RAD51B: variants seen among roughly 807,000 people sequenced by gnomAD.
The protein encoded by RAD51B is RAD51 paralog B.
RAD51B carries 38 observed loss-of-function variants against 42.2 expected under a neutral mutation model. The ratio of observed to expected loss-of-function variants is 0.90; its 90% CI spans 0.70 to 1.18. RAD51B has a LOEUF of 1.18. RAD51B is among the 50% of genes most tolerant of loss of function. The pLI is 0.00. For missense variants in RAD51B, 373 were observed against 400.7 expected (o/e 0.93, Z 0.59); for synonymous variants, 154 against 145.2 (o/e 1.06, Z -0.43).
intron 10 of RAD51B, among the ~76,000 whole-genome samples, chr14:68,637,955 A>G (rs12893578): frequency 0.4 from 61,209 of 152,170 alleles, 13,180 homozygotes; most frequent in East Asian, 0.77. Context: ...GCTTCTTACC[A>G]TAGCTGGGAA....
At chr14:68,632,572 G>A (rs192150829) in intron 10 of RAD51B, among the ~76,000 whole-genome samples, 12 of 152,304 alleles carry the variant, frequency 7.9e-5, no homozygotes, top group African/African-American at 2.2e-4. Flanking sequence ...GGTTGGCCCC[G>A]CCAGGCCAGC....
intron 7 of RAD51B, among the ~76,000 whole-genome samples, chr14:67,910,580 C>T (rs1200967653): frequency 6.6e-6 from 1 of 151,766 alleles, no homozygotes; most frequent in Non-Finnish European, 1.5e-5. Flanking sequence ...AAGTCAGTGT[C>T]GATGCCTTTT....
At chr14:68,332,801 T>C (rs545689904) in intron 8 of RAD51B, among the ~76,000 whole-genome samples, 5 of 152,384 alleles carry the variant, frequency 3.3e-5, no homozygotes, top group Admixed American at 6.5e-5. Context: ...ATTTGTTCTT[T>C]TCTTTAATAT....
chr14:67,946,790 ACTT>A (rs2045409864), intron 7 of RAD51B, among the ~76,000 whole-genome samples: 1 of 152,232 alleles, frequency 6.6e-6, no homozygotes, highest in Non-Finnish European at 1.5e-5. Flanking sequence ...TGGATATACT[ACTT>A]CTGTCTTCCC....
At chr14:68,571,720 C>T (rs891106650) in intron 10 of RAD51B, among the ~76,000 whole-genome samples, 7 of 152,132 alleles carry the variant, frequency 4.6e-5, no homozygotes, top group Non-Finnish European at 7.4e-5. Flanking sequence ...TTTGAGGGGC[C>T]GTTATTCTCC....
At chr14:67,863,856 G>C (rs953483431) in intron 4 of RAD51B, among the ~76,000 whole-genome samples, 2 of 152,154 alleles carry the variant, frequency 1.3e-5, no homozygotes, top group African/African-American at 2.4e-5. Flanking sequence ...AATTTATGAA[G>C]AAGAGAGGTG....
chr14:68,126,599 C>T (rs74848255), intron 7 of RAD51B, among the ~76,000 whole-genome samples: 2 of 152,310 alleles, frequency 1.3e-5, no homozygotes, highest in South Asian at 4.2e-4. Flanking sequence ...ACTTACTTGA[C>T]AGCAGAGGTG....
intron 10 of RAD51B, among the ~76,000 whole-genome samples, chr14:68,645,996 T>C (rs1178841923): frequency 2.0e-5 from 3 of 152,152 alleles, no homozygotes; most frequent in Non-Finnish European, 4.4e-5. Context: ...ACTCAAAATA[T>C]TCCCCGGGAC....
At chr14:68,549,227 C>T (rs756674079) in intron 10 of RAD51B, among the ~76,000 whole-genome samples, 1 of 151,608 alleles carries the variant, frequency 6.6e-6, no homozygotes, top group Non-Finnish European at 1.5e-5. Flanking sequence ...TTTTGAGCCA[C>T]AGTCTATAGT....
intron 10 of RAD51B, among the ~76,000 whole-genome samples, chr14:68,538,586 G>A (rs1341789107): frequency 6.6e-6 from 1 of 151,542 alleles, no homozygotes; most frequent in African/African-American, 2.4e-5. Context: ...TGTTAGGGGT[G>A]GGCTTGCAGA....
Position 67,904,637 on chromosome 14 carries a change from C to T in RAD51B, c.756+17433C>T, listed in dbSNP as rs531634728. ...GTGATTCTCCTGCCTCAGGCTCCCA[C>T]GTAGCTGCTAAGCATGCCACCACAC... On this transcript the variant is annotated intron_variant, in intron 7 of 10. Coordinates refer to ENST00000471583, the MANE Select transcript of RAD51B (RefSeq NM_133510.4). Among the ~76,000 whole-genome samples, 68 of 151,240 alleles carry T rather than the reference C, an allele frequency of 4.5e-4. 1 individual carries two copies. Among genetic ancestry groups the T allele is most frequent in the African/African-American group, 1.5e-3 (60 of 41,210 alleles).
intron 7 of RAD51B, among the ~76,000 whole-genome samples, chr14:68,249,741 G>A (rs1323122372): frequency 6.6e-6 from 1 of 152,216 alleles, no homozygotes; most frequent in Non-Finnish European, 1.5e-5. Context: ...ACATGAAAGG[G>A]CATTGTTGAA....
At chr14:68,671,402 T>A (rs1893154779) in intron 11 of RAD51B, among the ~76,000 whole-genome samples, 1 of 152,154 alleles carries the variant, frequency 6.6e-6, no homozygotes, top group South Asian at 2.1e-4. Flanking sequence ...TACCATGCCC[T>A]CCCCTATGTG....
chr14:68,261,846 A>G (rs17105281), intron 7 of RAD51B, among the ~76,000 whole-genome samples: 1,553 of 151,680 alleles, frequency 0.01, 17 homozygotes, highest in African/African-American at 0.035. Context: ...TGAGAAGAAA[A>G]GAGGTGAGAC....
chr14:68,509,400 C>A (rs977656924), intron 10 of RAD51B, among the ~76,000 whole-genome samples: 1 of 152,232 alleles, frequency 6.6e-6, no homozygotes. Context: ...CCTGAGTGAA[C>A]TTCAGTGAGT....
At position 67,910,301 on chromosome 14, in the gene RAD51B, G is replaced by GCTATTCCACTTTGC. The variant is rs1566953636; in HGVS notation, c.756+23097_756+23098insCTATTCCACTTTGC. Among the ~76,000 whole-genome samples the GCTATTCCACTTTGC allele has an allele frequency of 2.4e-3, 201 of 82,338 alleles. 1 individual carries two copies. Among genetic ancestry groups the GCTATTCCACTTTGC allele is most frequent in the African/African-American group, 7.6e-3 (75 of 9,926 alleles). The allele number at this position is 82,338 out of a possible 152,430, so 54.0% of individuals were successfully genotyped here. ...GCTTTAACTTATAAATATTTCTCGG[G>GCTATTCCACTTTGC]AGGCTGAGGCAGGAGAATGGCGTGA... On this transcript the variant is annotated intron_variant, in intron 7 of 10. Transcript: ENST00000471583.
intron 10 of RAD51B, among the ~76,000 whole-genome samples, chr14:68,586,318 T>C (rs146384313): frequency 3.9e-4 from 60 of 152,314 alleles, no homozygotes; most frequent in African/African-American, 1.0e-3. Flanking sequence ...TCTTGTCTCC[T>C]CCCTGCCTGA....
chr14:68,349,106 A>G (rs1447593860), intron 8 of RAD51B, among the ~76,000 whole-genome samples: 1 of 152,234 alleles, frequency 6.6e-6, no homozygotes, highest in Admixed American at 6.5e-5. Context: ...TTTGAAATTT[A>G]TATAATTTCT....
intron 10 of RAD51B, among the ~76,000 whole-genome samples, chr14:68,550,729 ACT>A (rs1322893870): frequency 6.6e-6 from 1 of 152,042 alleles, no homozygotes; most frequent in Non-Finnish European, 1.5e-5. Context: ...ATGGGCGAAA[ACT>A]CTGGAAGTTC....
Sources: allele counts gnomAD v4.1 joint callset (sites outside exome capture counted in the v4.1 genomes callset), GRCh38; gene constraint gnomAD v4.1.1; transcripts MANE v1.5; gene names NCBI Gene and HGNC (gene_info 2026-07-23, HGNC 2026-07-21).